ZNF177: variants seen among roughly 807,000 people sequenced by gnomAD.
ZNF177 encodes the protein zinc finger protein 177.
In ZNF177, 17 loss-of-function variants were observed where a neutral mutation model predicts 19.4. That is an observed-to-expected ratio of 0.87 (90% CI 0.60 to 1.31). ZNF177 has a LOEUF of 1.31. ZNF177 is among the 40% of genes most tolerant of loss of function. The probability of loss-of-function intolerance (pLI) is 0.00; values close to 1 mark genes in which losing one functional copy is unlikely to be tolerated. For synonymous variants in ZNF177, 220 were observed against 188.7 expected (o/e 1.17, Z -1.36); for missense variants, 633 against 561.8 (o/e 1.13, Z -1.28).
At chr19:9,364,405 CAG>C (rs1433991153) in intron 1 of ZNF177, among the ~76,000 whole-genome samples, 1 of 152,050 alleles carries the variant, frequency 6.6e-6, no homozygotes, top group African/African-American at 2.4e-5. Flanking sequence ...AAGGTCCTGA[CAG>C]AGGTTGAAAT....
exon 6 of ZNF177, chr19:9,381,361 G>C (rs199594657): frequency 8.7e-6 from 14 of 1,613,610 alleles, no homozygotes; most frequent in Non-Finnish European, 9.3e-6. Flanking sequence ...TGACTGTAAG[G>C]AATGTGGGAA....
At chr19:9,379,180 C>T in intron 3 of ZNF177, 92 bp downstream of exon 5, 1 of 1,465,116 alleles carries the variant, frequency 6.8e-7, no homozygotes, top group Non-Finnish European at 9.1e-7. Flanking sequence ...AATAGCAATA[C>T]AGTGGTTAAC....
At chr19:9,369,293 C>G (rs2122500934) in intron 2 of ZNF177, among the ~76,000 whole-genome samples, 1 of 152,152 alleles carries the variant, frequency 6.6e-6, no homozygotes, top group South Asian at 2.1e-4. Flanking sequence ...ATTGTGCTAG[C>G]TTCTGCTTTA....
chr19:9,367,760 C>T (rs541821864), intron 2 of ZNF177, among the ~76,000 whole-genome samples: 35 of 152,236 alleles, frequency 2.3e-4, no homozygotes, highest in African/African-American at 7.5e-4. Context: ...TTAAAAGTGA[C>T]CATATTTTTT....
chr19:9,367,675 CAAAG>C (rs2067998316), intron 2 of ZNF177, among the ~76,000 whole-genome samples: 1 of 152,184 alleles, frequency 6.6e-6, no homozygotes, highest in Admixed American at 6.5e-5. Context: ...ATGCCAATCT[CAAAG>C]AATATTCTTC....
At chr19:9,366,279 C>T (rs1326480565) in intron 2 of ZNF177, among the ~76,000 whole-genome samples, 4 of 152,060 alleles carry the variant, frequency 2.6e-5, no homozygotes, top group African/African-American at 9.7e-5. Context: ...CCGTGCCTAG[C>T]CTCATTCCTT....
chr19:9,381,447 C>T lies in ZNF177; in HGVS notation c.1116C>T (p.Asp372=), dbSNP rs370887830. Residue 372 remains aspartate, a synonymous_variant, in exon 6 of 6, where the codon GAC becomes GAT. Coordinates refer to ENST00000589262, the Ensembl canonical transcript of ZNF177. ...GAGAGAAACCCTATGAATGCAGTGA[C>T]TGTGGAAAAGCCTTCATCGATCAGT... 1.6e-5 allele frequency: 25 copies of T among 1,611,422 alleles called. No homozygotes were observed. In the South Asian group the frequency reaches 2.7e-4, roughly 18 times the overall value.
At position 9,379,622 on chromosome 19, in the gene ZNF177, GAGCCTTGGGCAGAACAGGGTGC is replaced by G. The variant is rs1568384654; in HGVS notation, c.253+12_253+33del. 1.2e-6 allele frequency: 2 copies of G among 1,613,176 alleles called. No individual in the cohort carries two copies. The highest frequency in any genetic ancestry group is 1.7e-6 in the Non-Finnish European group (2 of 1,179,714). On this transcript the variant is annotated splice_donor_5th_base_variant and intron_variant, in intron 4 of 5. Coordinates refer to ENST00000589262, the Ensembl canonical transcript of ZNF177. ...AATTTTACAAGGTGACTGTGCAGGTGAGCCTTGGGCAGAACAGGGTGCAGCCTTGGCCAGTGAGGGTTAGTAC... is the reference window on the plus strand; with the variant it reads ...AATTTTACAAGGTGACTGTGCAGGTGAGCCTTGGCCAGTGAGGGTTAGTAC...
At chr19:9,363,823 G>A (rs1378420674) in intron 1 of ZNF177, among the ~76,000 whole-genome samples, 1 of 151,788 alleles carries the variant, frequency 6.6e-6, no homozygotes, top group African/African-American at 2.4e-5. Context: ...ATCCTATTAC[G>A]ACCCACTCCT....
At chr19:9,379,086 T>C in exon 3 of ZNF177, 2 of 1,603,996 alleles carry the variant, frequency 1.2e-6, no homozygotes, top group African/African-American at 1.3e-5. Flanking sequence ...CTGGCCTCAG[T>C]AGGTAAGGCT....
downstream of ZNF177, chr19:9,382,368 T>G (rs1040173529): frequency 7.5e-6 from 3 of 398,822 alleles, no homozygotes; most frequent in Non-Finnish European, 1.3e-5. Context: ...CCCTTTGTCT[T>G]GTCCCTTATT....
exon 3 of ZNF177, chr19:9,378,993 A>C: frequency 6.2e-7 from 1 of 1,609,848 alleles, no homozygotes; most frequent in Non-Finnish European, 8.5e-7. Context: ...GTGGCAGTGG[A>C]CTTTTCCCAG....
exon 6 of ZNF177, chr19:9,381,432 C>A: frequency 2.5e-6 from 4 of 1,611,170 alleles, no homozygotes; most frequent in Non-Finnish European, 3.4e-6. Flanking sequence ...GAGAGAAACC[C>A]TATGAATGCA....
exon 6 of ZNF177, chr19:9,381,815 C>T: frequency 6.4e-7 from 1 of 1,550,632 alleles, no homozygotes; most frequent in South Asian, 1.3e-5. Flanking sequence ...CTCATGCCTC[C>T]TTTCTCACTT....
At chr19:9,369,623 T>C (rs1374425926) in intron 2 of ZNF177, among the ~76,000 whole-genome samples, 1 of 151,864 alleles carries the variant, frequency 6.6e-6, no homozygotes, top group Non-Finnish European at 1.5e-5. Flanking sequence ...TTTTTTACCA[T>C]CTTACATTTT....
chr19:9,373,903 AC>A (rs1158810104), upstream of ZNF177, among the ~76,000 whole-genome samples: 1 of 151,808 alleles, frequency 6.6e-6, no homozygotes, highest in Non-Finnish European at 1.5e-5. Flanking sequence ...CTGTGCAGAA[AC>A]TTTTTAGTTT....
chr19:9,378,655 C>T (rs2068145399), intron 2 of ZNF177: 7 of 550,164 alleles, frequency 1.3e-5, no homozygotes, highest in Admixed American at 1.0e-4. Flanking sequence ...ACAGTATGCC[C>T]TGTCTATACT....
rs148211806 is a variant in ZNF177, at chr19:9,378,507, C to T, written c.33+163C>T. On this transcript the variant is annotated intron_variant, in intron 2 of 5. Coordinates refer to ENST00000589262, the Ensembl canonical transcript of ZNF177. ...AAGAGGGAATCCCTGGGAAAGGCTTCTGTTCCCACATTTGTTAACTTTCTC... is the reference window on the plus strand; with the variant it reads ...AAGAGGGAATCCCTGGGAAAGGCTTTTGTTCCCACATTTGTTAACTTTCTC... 7.1e-6 allele frequency: 8 copies of T among 1,127,226 alleles called. No homozygotes were observed. The East Asian group carries it at 2.1e-4, about 30-fold the overall frequency. The allele number at this position is 1,127,226 out of a possible 1,614,324, so 69.8% of individuals were successfully genotyped here.
At chr19:9,378,154 C>T (rs963302016) in intron 1 of ZNF177, 105 bp from the exon 4 acceptor site, 1 of 1,018,362 alleles carries the variant, frequency 9.8e-7, no homozygotes, top group Non-Finnish European at 1.4e-6. Flanking sequence ...TGTAACTACA[C>T]TCTATGTGTA....
Sources: allele counts gnomAD v4.1 joint callset (sites outside exome capture counted in the v4.1 genomes callset), GRCh38; gene constraint gnomAD v4.1.1; transcripts MANE v1.5; gene names NCBI Gene and HGNC (gene_info 2026-07-23, HGNC 2026-07-21).